The following NCAPD2 variants were observed in gnomAD, a reference collection of about 807,000 sequenced individuals.
NCAPD2 encodes the protein non-SMC condensin I complex subunit D2, also known as condensin complex subunit 1.
Under a neutral mutation model 164.5 loss-of-function variants are expected in NCAPD2, and 100 were observed. The ratio of observed to expected loss-of-function variants is 0.61; its 90% CI spans 0.52 to 0.72. The LOEUF (loss-of-function observed/expected upper bound fraction) is 0.72. Among genes scored for constraint, NCAPD2 ranks in the 30% least tolerant of loss-of-function variants. The pLI, the probability that NCAPD2 is intolerant of heterozygous loss-of-function variation, is 0.00. For synonymous variants in NCAPD2, 585 were observed against 642.6 expected (o/e 0.91, Z 1.36); for missense variants, 1,560 against 1,749.2 (o/e 0.89, Z 1.93).
rs1210795788 is a variant in NCAPD2, at chr12:6,515,917, T to C, written c.988-911T>C. 4.6e-5 allele frequency among the ~76,000 whole-genome samples: 7 copies of C among 152,162 alleles called. No individual in the cohort carries two copies. The East Asian group carries it at 5.8e-4, about 13-fold the overall frequency. On this transcript the variant is annotated intron_variant, in intron 9 of 31. Transcript: ENST00000315579. ...AAGGATTAAAGACTTTGAGGCCAGG[T>C]GTGGTGGCTCACGCCTGTAATCCCA...
At chr12:6,524,456 G>T (rs997220982) in intron 17 of NCAPD2, among the ~76,000 whole-genome samples, 60 of 152,090 alleles carry the variant, frequency 3.9e-4, no homozygotes, top group African/African-American at 1.4e-3. Context: ...AGACCAGCCT[G>T]GTCAACATGG....
rs1271618704 is a variant in NCAPD2 at position 6,504,204 on chromosome 12, T to TACACAC, written c.128-5512_128-5511insCACACA. 2.1e-3 allele frequency among the ~76,000 whole-genome samples: 48 copies of TACACAC among 22,610 alleles called. No individual in the cohort carries two copies. In the African/African-American group the frequency reaches 0.023, roughly 11 times the overall value. 14.8% of individuals were successfully genotyped at this position (22,610 alleles called of 152,430 possible). ...ATACATATATATATATATATATATA[T>TACACAC]ATATATATATATAGATATAGATATA... On this transcript the variant is annotated intron_variant, in intron 2 of 31. Coordinates refer to ENST00000315579, the MANE Select transcript of NCAPD2 (RefSeq NM_014865.4).
At chr12:6,508,045 G>T (rs1466059679) in intron 2 of NCAPD2, among the ~76,000 whole-genome samples, 2 of 152,030 alleles carry the variant, frequency 1.3e-5, no homozygotes, top group Non-Finnish European at 2.9e-5. Context: ...AAAAAAATTA[G>T]CTGGGCCGGG....
chr12:6,523,405 T>TTTTG lies in NCAPD2; in HGVS notation c.2214+62_2214+63insGTTT, dbSNP rs1409642303. On this transcript the variant is annotated intron_variant, in intron 17 of 31. Coordinates refer to ENST00000315579, the MANE Select transcript of NCAPD2 (RefSeq NM_014865.4). The stretch of plus-strand genomic sequence containing the variant: ...TCAACAAGTATTTTGGTTGTTTTTT[T>TTTTG]TTTTTTTTTTGAGACGGAGTCATGC... The TTTTG allele has an allele frequency of 1.6e-5, 23 of 1,432,424 alleles. 2 individuals are homozygous for TTTTG. Among genetic ancestry groups the TTTTG allele is most frequent in the Non-Finnish European group, 2.1e-5 (22 of 1,048,088 alleles). 88.7% of individuals were successfully genotyped at this position (1,432,424 alleles called of 1,614,324 possible).
chr12:6,502,196 A>G (rs917849857), intron 2 of NCAPD2, among the ~76,000 whole-genome samples: 8 of 152,000 alleles, frequency 5.3e-5, no homozygotes, highest in Non-Finnish European at 8.8e-5. Context: ...GAACATGGAC[A>G]GTTTATCCAC....
chr12:6,510,734 C>T lies in NCAPD2; in HGVS notation c.368C>T (p.Ala123Val). 1 of 1,614,164 alleles carries T rather than the reference C, an allele frequency of 6.2e-7. No individual in the cohort carries two copies. Among genetic ancestry groups the T allele is most frequent in the Non-Finnish European group, 8.5e-7 (1 of 1,180,028 alleles). ...AATGCCCTCAAAATGAACTGTTATG[C>T]TCTGATACGTCTCCTGGAATCCTTT... ...HLNALKMNCY[A>V]LIRLLESFET... Residue 123 changes from alanine (A) to valine (V), a missense_variant, in exon 5 of 32, where the codon GCT becomes GTT. Coordinates refer to ENST00000315579, the MANE Select transcript of NCAPD2 (RefSeq NM_014865.4).
In NCAPD2 at chr12:6,522,051, C is replaced by G. The variant is rs528139489; in HGVS notation, c.1954+14C>G. ...ACACAACTACAGGTATGCCAGAGTC[C>G]CTTTCTATAAGGACAGCCTTGGGGT... On this transcript the variant is annotated intron_variant, in intron 15 of 31. Transcript: ENST00000315579. The G allele has an allele frequency of 6.2e-7, 1 of 1,611,620 alleles. No homozygotes were observed. Among genetic ancestry groups the G allele is most frequent in the East Asian group, 2.2e-5 (1 of 44,816 alleles).
chr12:6,511,254 TG>T lies in NCAPD2; in HGVS notation c.587+5del. 2 of 1,614,010 alleles carry T rather than the reference TG, an allele frequency of 1.2e-6. No homozygotes were observed. Among genetic ancestry groups the T allele is most frequent in the Non-Finnish European group, 1.7e-6 (2 of 1,179,950 alleles). On this transcript the variant is annotated splice_donor_region_variant and intron_variant, in intron 6 of 31. Coordinates refer to ENST00000315579, the MANE Select transcript of NCAPD2 (RefSeq NM_014865.4). ...AATAATTGAAGAAGAATTTGTCAGG[TG>T]GGTAGGGAGGATGGCTACAGATAAT... is the stretch of plus-strand genomic sequence containing the variant.
chr12:6,528,864 G>A lies in NCAPD2; in HGVS notation c.3477+8G>A. 1 of 1,613,046 alleles carries A rather than the reference G, an allele frequency of 6.2e-7. No individual in the cohort carries two copies. ...AATGAGCTCTCCCACAAGGTGAGAGGCAGAGAGGCACTGAGGGCTGGCTGC... is the reference window on the plus strand; with the variant it reads ...AATGAGCTCTCCCACAAGGTGAGAGACAGAGAGGCACTGAGGGCTGGCTGC... On this transcript the variant is annotated splice_region_variant and intron_variant, in intron 26 of 31. Transcript: ENST00000315579. The surrounding 1 kb of genome is among the most constrained non-coding windows in gnomAD (Gnocchi z 5.1).
At chr12:6,504,206 T>TATAC (rs1946073657) in intron 2 of NCAPD2, among the ~76,000 whole-genome samples, 1 of 25,236 alleles carries the variant, frequency 4.0e-5, no homozygotes, top group South Asian at 8.8e-4. Flanking sequence ...TATATATATA[T>TATAC]ATATATATAT....
Position 6,527,780 on chromosome 12 carries a change from A to G in NCAPD2, c.2911A>G (p.Thr971Ala). Residue 971 changes from threonine to alanine, a missense_variant, in exon 23 of 32, where the codon ACG becomes GCG. Transcript: ENST00000315579. ...TCCCCAATTTCATTCCCTTTAGAAT[A>G]CGAGCTCTGAGACCACCATGGAGGA... ...HKTKDPKEKN[T>A]SSETTMEEEL... 1 of 1,610,522 alleles carries G rather than the reference A, an allele frequency of 6.2e-7. No individual in the cohort carries two copies. The highest frequency in any genetic ancestry group is 8.5e-7 in the Non-Finnish European group (1 of 1,177,154).
At position 6,509,721 on chromosome 12, in the gene NCAPD2, T is replaced by G; in HGVS notation, c.132T>G (p.Phe44Leu). 2 of 1,614,014 alleles carry G rather than the reference T, an allele frequency of 1.2e-6. No individual in the cohort carries two copies. The highest frequency in any genetic ancestry group is 1.7e-6 in the Non-Finnish European group (2 of 1,179,920). ...IKHLPPQLRA[F>L]QAAFRAQGPL... ...TTGTTTTTTCCATCTTCATAGCTTT[T>G]CAGGCTGCCTTTCGAGCTCAGGGGC... The change falls in exon 3 of 32, where the codon TTT becomes TTG. Residue 44 changes from phenylalanine to leucine, a missense_variant. Phe to Leu is a conservative substitution (Grantham distance 22). Transcript: ENST00000315579.
intron 13 of NCAPD2, among the ~76,000 whole-genome samples, chr12:6,519,233 GA>G (rs1946241633): frequency 6.6e-6 from 1 of 152,104 alleles, no homozygotes; most frequent in African/African-American, 2.4e-5. Flanking sequence ...TTTGCCCTAT[GA>G]CTCCCTTATG....
At chr12:6,503,664 A>G (rs536678450) in intron 2 of NCAPD2, among the ~76,000 whole-genome samples, 3 of 152,044 alleles carry the variant, frequency 2.0e-5, no homozygotes, top group Non-Finnish European at 2.9e-5. Context: ...CCAGCTACTC[A>G]GGAGGCTGAG....
chr12:6,501,259 T>TG (rs1565538688), intron 2 of NCAPD2, among the ~76,000 whole-genome samples: 1 of 119,488 alleles, frequency 8.4e-6, no homozygotes, highest in Admixed American at 9.2e-5. Context: ...TTTTTTTTTT[T>TG]AGGCAGAGTC....
At chr12:6,504,216 T>TACACATATATATATATACAC (rs1406807438) in intron 2 of NCAPD2, among the ~76,000 whole-genome samples, 3 of 23,220 alleles carry the variant, frequency 1.3e-4, no homozygotes, top group Admixed American at 5.8e-4. Context: ...TATATATATA[T>TACACATATATATATATACAC]AGATATAGAT....
At chr12:6,525,986 T>C in intron 18 of NCAPD2, 82 bp from the exon 19 acceptor site, 1 of 1,540,270 alleles carries the variant, frequency 6.5e-7, no homozygotes, top group Non-Finnish European at 8.8e-7. Flanking sequence ...CATGAGGTGC[T>C]GGTACCTACC....
In NCAPD2 at chr12:6,530,728, G is replaced by A; in HGVS notation, c.3875G>A (p.Cys1292Tyr). The A allele has an allele frequency of 1.2e-6, 2 of 1,614,150 alleles. No homozygotes were observed. The highest frequency in any genetic ancestry group is 1.7e-6 in the Non-Finnish European group (2 of 1,180,026). The change falls in exon 30 of 32, where the codon TGT (cysteine) becomes TAT (tyrosine). Residue 1292 changes from cysteine (C) to tyrosine (Y), a missense_variant. Physicochemically the swap from Cys to Tyr is radical, Grantham distance 194. Transcript: ENST00000315579. The part of the protein sequence containing the change: ...IDEFEQKLRA[C>Y]HTRGLDGIKE... ...GAATTTGAGCAGAAGCTTCGGGCCT[G>A]TCATACCAGAGGTTTGGATGGAATC... is the stretch of plus-strand genomic sequence containing the variant.
chr12:6,511,386 G>T lies in NCAPD2; in HGVS notation c.587+134G>T, dbSNP rs573218823. The T allele has an allele frequency of 3.7e-6, 4 of 1,090,648 alleles. No individual in the cohort carries two copies. The South Asian group carries it at 4.9e-5, about 13-fold the overall frequency. The allele number at this position is 1,090,648 out of a possible 1,614,324, so 67.6% of individuals were successfully genotyped here. ...TCACTCTTGTCGCCCAGGCTGGAGC[G>T]CAGTGGTTCAATCTCGGCTCACTGC... is the stretch of plus-strand genomic sequence containing the variant. On this transcript the variant is annotated intron_variant, in intron 6 of 31. Transcript: ENST00000315579.
Sources: allele counts gnomAD v4.1 joint callset (sites outside exome capture counted in the v4.1 genomes callset), GRCh38; gene constraint gnomAD v4.1.1; non-coding constraint Gnocchi (gnomAD v3.1); transcripts MANE v1.5; gene names NCBI Gene and HGNC (gene_info 2026-07-23, HGNC 2026-07-21).